Variants in GRID2IP observed in about 807,000 individuals in gnomAD.
GRID2IP encodes the protein delphilin.
In GRID2IP, 78 loss-of-function variants were observed where a neutral mutation model predicts 114.3. The ratio of observed to expected loss-of-function variants is 0.68; its 90% CI spans 0.57 to 0.82. The LOEUF is 0.82. Ranked by LOEUF, GRID2IP falls within the 40% of genes least tolerant of loss-of-function variation. The pLI is 0.00. For missense variants in GRID2IP, 1,727 were observed against 1,678.5 expected, an observed-to-expected ratio of 1.03 and a Z score of -0.51; for synonymous variants, 809 against 724.0, an observed-to-expected ratio of 1.12 and a Z score of -1.89.
rs1382119715 is a variant in GRID2IP, at chr7:6,510,701, T to G, written c.1561A>C (p.Ser521Arg). 1.9e-6 allele frequency: 3 copies of G among 1,548,892 alleles called. No homozygotes were observed. In the South Asian group the frequency reaches 3.6e-5, roughly 18 times the overall value. ...GLEAGLSCGP[S>R]ECPEMPLPLI... ...GGAAGAGGCATCTCAGGGCACTCGC[T>G]GGGACCTACCGGGGAATAATGTCAT... Residue 521 changes from serine (S) to arginine (R), a missense_variant, in exon 10 of 22, where the codon AGC (serine) becomes CGC (arginine). Coordinates refer to ENST00000457091, the MANE Select transcript of GRID2IP (RefSeq NM_001145118.2).
Position 6,508,806 on chromosome 7 carries a change from A to T in GRID2IP, c.2127+152T>A, listed in dbSNP as rs1786672677. ...AACAGGAGATAGGGTAACCTGGGGC[A>T]AGGGGTGGGATAGCTTGAGCTAGGG... On this transcript the variant is annotated intron_variant, in intron 12 of 21. Coordinates refer to ENST00000457091, the MANE Select transcript of GRID2IP (RefSeq NM_001145118.2). The surrounding 1 kb of genome is among the most constrained non-coding windows in gnomAD (Gnocchi z 5.6). Among the ~76,000 whole-genome samples, 1 of 152,088 alleles carries T rather than the reference A, an allele frequency of 6.6e-6. No homozygotes were observed. Among genetic ancestry groups the T allele is most frequent in the Non-Finnish European group, 1.5e-5 (1 of 67,982 alleles).
intron 2 of GRID2IP, among the ~76,000 whole-genome samples, chr7:6,538,229 G>A (rs1038469463): frequency 6.6e-6 from 1 of 152,056 alleles, no homozygotes; most frequent in Non-Finnish European, 1.5e-5. Flanking sequence ...AGCTGGGCAT[G>A]GTGGCACGCA....
intron 14 of GRID2IP, 22 bp from the exon 15 acceptor site, chr7:6,504,892 T>C (rs1282334037): frequency 4.5e-6 from 7 of 1,549,364 alleles, no homozygotes; most frequent in Non-Finnish European, 1.7e-6. Context: ...ACTGACAGTT[T>C]ACGGAGGCGG....
At chr7:6,538,855 T>C (rs1261972387) in intron 2 of GRID2IP, among the ~76,000 whole-genome samples, 1 of 151,438 alleles carries the variant, frequency 6.6e-6, no homozygotes, top group Non-Finnish European at 1.5e-5. Context: ...GCCTGGGCGA[T>C]AGAGTGAGAC....
chr7:6,510,170 A>G (rs1009633281), intron 11 of GRID2IP, 113 bp downstream of exon 11: 3 of 638,480 alleles, frequency 4.7e-6, no homozygotes, highest in Non-Finnish European at 7.9e-6. Flanking sequence ...TCACAGGGCC[A>G]TGGGAGGGAC....
chr7:6,546,256 G>T (rs1033133403), intron 1 of GRID2IP, among the ~76,000 whole-genome samples: 42 of 151,042 alleles, frequency 2.8e-4, no homozygotes, highest in African/African-American at 9.0e-4. Context: ...TCAGGAGTTT[G>T]CGACTAGCTT....
intron 2 of GRID2IP, among the ~76,000 whole-genome samples, chr7:6,535,309 C>T (rs1209531185): frequency 1.1e-4 from 16 of 152,234 alleles, no homozygotes; most frequent in Admixed American, 1.0e-3. Context: ...GAATTACAGG[C>T]ATAAGCCAGC....
At chr7:6,539,972 G>T in intron 1 of GRID2IP, 100 bp from the exon 2 acceptor site, 1 of 1,109,340 alleles carries the variant, frequency 9.0e-7, no homozygotes, top group Non-Finnish European at 1.3e-6. Flanking sequence ...ACCTACACGG[G>T]ATGGCTGACG....
intron 8 of GRID2IP, among the ~76,000 whole-genome samples, chr7:6,513,982 G>A (rs1779238213): frequency 6.8e-6 from 1 of 147,098 alleles, no homozygotes; most frequent in African/African-American, 2.5e-5. Context: ...GGCTGGGCGT[G>A]GTGGCTCACA....
At chr7:6,535,284 C>A (rs1583351027) in intron 2 of GRID2IP, among the ~76,000 whole-genome samples, 1 of 152,364 alleles carries the variant, frequency 6.6e-6, no homozygotes, top group Middle Eastern at 3.4e-3. Context: ...CCCGCCTCGG[C>A]CTCCTAAAGT....
At chr7:6,541,062 T>G (rs111472059) in intron 1 of GRID2IP, among the ~76,000 whole-genome samples, 1,833 of 152,108 alleles carry the variant, frequency 0.012, 33 homozygotes, top group African/African-American at 0.042. Flanking sequence ...AATTTTTTTT[T>G]TCTATAGAGA....
At chr7:6,510,498 A>C in intron 10 of GRID2IP, 98 bp from the exon 11 acceptor site, 1 of 1,283,678 alleles carries the variant, frequency 7.8e-7, no homozygotes, top group Non-Finnish European at 1.1e-6. Context: ...GATATGCCCC[A>C]GCCTGAAGCA....
At chr7:6,525,899 G>C (rs923760299) in intron 4 of GRID2IP, among the ~76,000 whole-genome samples, 1 of 152,156 alleles carries the variant, frequency 6.6e-6, no homozygotes, top group African/African-American at 2.4e-5. Context: ...ACAGTGCCCC[G>C]GCCCTCCCTG....
intron 20 of GRID2IP, among the ~76,000 whole-genome samples, chr7:6,498,882 G>A (rs1355159903): frequency 6.6e-6 from 1 of 152,044 alleles, no homozygotes; most frequent in South Asian, 2.1e-4. Context: ...ACTGCACCTG[G>A]CCTTAGGCCT....
chr7:6,509,109 G>C lies in GRID2IP; in HGVS notation c.1976C>G (p.Thr659Ser). The stretch of plus-strand genomic sequence containing the variant: ...GAGCTTCCTGCGGCTGGGCGGGCGG[G>C]TGGGGTCCGGGCTTGGGGGGCTGTC... ...CPDSPPSPDP[T>S]RPPSRRKLFT... is the part of the protein sequence containing the mutation. The change falls in exon 12 of 22, where the codon ACC (threonine) becomes AGC (serine). Residue 659 changes from threonine to serine, a missense_variant. Thr to Ser is a moderately conservative substitution (Grantham distance 58). Transcript: ENST00000457091. This position sits in a 1 kb window ranked among gnomAD's most constrained non-coding sequence, Gnocchi z 4.9. 6.9e-7 allele frequency: 1 copy of C among 1,453,238 alleles called. No individual in the cohort carries two copies. The highest frequency in any genetic ancestry group is 9.2e-7 in the Non-Finnish European group (1 of 1,092,306). 90.0% of individuals were successfully genotyped at this position (1,453,238 alleles called of 1,614,324 possible).
intron 15 of GRID2IP, 67 bp downstream of exon 15, chr7:6,504,726 G>C: frequency 8.0e-7 from 1 of 1,245,394 alleles, no homozygotes; most frequent in Non-Finnish European, 1.1e-6. Flanking sequence ...CACCTGGGCA[G>C]GTCTGAGGCC....
chr7:6,503,301 T>C, intron 16 of GRID2IP, 138 bp from the exon 17 acceptor site: 4 of 1,078,208 alleles, frequency 3.7e-6, no homozygotes, highest in Admixed American at 2.9e-5. Flanking sequence ...GCACGATCCC[T>C]GGGGGAGCCC....
chr7:6,518,125 G>C (rs988600484), intron 7 of GRID2IP, among the ~76,000 whole-genome samples: 18 of 151,728 alleles, frequency 1.2e-4, no homozygotes, highest in African/African-American at 4.4e-4. Context: ...AACTACCTGG[G>C]GGGCAGAGGC....
At position 6,526,440 on chromosome 7, in the gene GRID2IP, C is replaced by T. The variant is rs927692409; in HGVS notation, c.833+81G>A. The T allele has an allele frequency of 4.4e-5, 66 of 1,486,824 alleles. No individual in the cohort carries two copies. Among genetic ancestry groups the T allele is most frequent in the Non-Finnish European group, 5.6e-5 (63 of 1,115,886 alleles). 92.1% of individuals were successfully genotyped at this position (1,486,824 alleles called of 1,614,324 possible). The stretch of plus-strand genomic sequence containing the variant: ...TGCACCCCAGATGCCCAGCCCCGCC[C>T]CTACGCCCTCTCCCCGGGTCTCGGT... On this transcript the variant is annotated intron_variant, in intron 3 of 21. Transcript: ENST00000457091. The surrounding 1 kb of genome is among the most constrained non-coding windows in gnomAD (Gnocchi z 7.6).
Sources: gnomAD v4.1 joint callset for allele counts (sites outside exome capture counted in the v4.1 genomes callset) on GRCh38, gnomAD v4.1.1 for gene constraint, Gnocchi (gnomAD v3.1) non-coding constraint, MANE v1.5 for transcripts, NCBI Gene and HGNC (gene_info 2026-07-23, HGNC 2026-07-21) for gene names.